PASD1: variants seen among roughly 807,000 people sequenced by gnomAD.
PASD1 encodes PAS domain containing repressor 1, also known as circadian clock protein PASD1.
A neutral mutation model predicts 58.8 loss-of-function variants in PASD1; 13 were observed. The observed-to-expected ratio is 0.22, with a 90% CI of 0.14 to 0.35. The LOEUF (loss-of-function observed/expected upper bound fraction) is 0.35. PASD1 is among the 10% of genes least tolerant of loss of function. The pLI, the probability that PASD1 is intolerant of heterozygous loss-of-function variation, is 1.00. For missense variants in PASD1, 734 were observed against 568.3 expected (o/e 1.29, Z -2.96); for synonymous variants, 236 against 216.7 (o/e 1.09, Z -0.78).
At chrX:151,668,486 G>A (rs1008134525) in intron 11 of PASD1, among the ~76,000 whole-genome samples, 3 of 110,754 alleles carry the variant, frequency 2.7e-5, no homozygotes, top group Non-Finnish European at 5.7e-5. Context: ...AGAAAAGAGA[G>A]AAGAATCAAA....
chrX:151,669,955 A>T (rs1354628631), intron 11 of PASD1, among the ~76,000 whole-genome samples: 2 of 111,829 alleles, frequency 1.8e-5, no homozygotes, highest in African/African-American at 6.5e-5. Context: ...TTTTCGTTCT[A>T]TAAGGAACCT....
chrX:151,596,941 G>T (rs1414081999), intron 1 of PASD1, among the ~76,000 whole-genome samples: 1 of 112,112 alleles, frequency 8.9e-6, no homozygotes, highest in Non-Finnish European at 1.9e-5. Context: ...CTACTGAGAT[G>T]ATCACATGCT....
intron 1 of PASD1, among the ~76,000 whole-genome samples, chrX:151,592,023 CATT>C (rs779185005): frequency 7.2e-5 from 8 of 111,567 alleles, no homozygotes; most frequent in Non-Finnish European, 1.3e-4. Context: ...ATGTGTTTAC[CATT>C]ATTGATTAGC....
chrX:151,656,796 A>G (rs1334846305), intron 9 of PASD1, among the ~76,000 whole-genome samples: 4 of 111,904 alleles, frequency 3.6e-5, no homozygotes, highest in East Asian at 2.8e-4. Flanking sequence ...CAATCATGTC[A>G]TCTGCAAACA....
At chrX:151,656,958 G>T (rs1440101799) in intron 9 of PASD1, among the ~76,000 whole-genome samples, 1 of 111,610 alleles carries the variant, frequency 9.0e-6, no homozygotes, top group East Asian at 2.8e-4. Context: ...GAAAGCCTCC[G>T]GTTTTTGCCC....
intron 11 of PASD1, among the ~76,000 whole-genome samples, chrX:151,665,641 C>G (rs1426987792): frequency 9.0e-6 from 1 of 111,668 alleles, no homozygotes; most frequent in East Asian, 2.8e-4. Flanking sequence ...TCCAGAGGAT[C>G]AAGGAAGCAG....
intron 6 of PASD1, among the ~76,000 whole-genome samples, chrX:151,622,617 A>ACACACACT (rs1303122421): frequency 1.9e-5 from 2 of 104,906 alleles, no homozygotes; most frequent in Non-Finnish European, 3.9e-5. Flanking sequence ...ACACACACAC[A>ACACACACT]CTCCCACACA....
intron 1 of PASD1, among the ~76,000 whole-genome samples, chrX:151,593,283 A>G (rs1190600623): frequency 1.8e-5 from 2 of 110,265 alleles, no homozygotes; most frequent in Non-Finnish European, 3.8e-5. Flanking sequence ...TCTAGGGTAC[A>G]TGTGCACAAT....
chrX:151,658,530 G>C (rs1703654674), intron 9 of PASD1, among the ~76,000 whole-genome samples: 1 of 112,434 alleles, frequency 8.9e-6, no homozygotes, highest in South Asian at 3.7e-4. Context: ...AGATGGCTAT[G>C]AAGAAGAACA....
intron 11 of PASD1, among the ~76,000 whole-genome samples, chrX:151,667,125 C>T (rs1434927260): frequency 8.9e-6 from 1 of 111,994 alleles, no homozygotes; most frequent in Non-Finnish European, 1.9e-5. Context: ...TTGCATTTCT[C>T]TGATGGCCAG....
chrX:151,637,578 G>C (rs1482429857), intron 8 of PASD1, among the ~76,000 whole-genome samples: 1 of 111,202 alleles, frequency 9.0e-6, no homozygotes, highest in Admixed American at 9.6e-5. Flanking sequence ...GTTTCACCAT[G>C]TTGGTCTCAA....
At chrX:151,572,321 A>G (rs190604614) in intron 1 of PASD1, among the ~76,000 whole-genome samples, 1 of 111,646 alleles carries the variant, frequency 9.0e-6, no homozygotes, top group Admixed American at 9.6e-5. Flanking sequence ...TGCCTTGCCC[A>G]TAGTATGTTT....
intron 8 of PASD1, among the ~76,000 whole-genome samples, chrX:151,644,526 G>A (rs904501948): frequency 9.0e-6 from 1 of 111,638 alleles, no homozygotes; most frequent in Non-Finnish European, 1.9e-5. Flanking sequence ...TCATCTTGCA[G>A]GAAGACGTTT....
intron 2 of PASD1, 106 bp from the exon 3 acceptor site, chrX:151,604,540 A>T: frequency 1.9e-6 from 1 of 526,060 alleles, no homozygotes; most frequent in Non-Finnish European, 3.1e-6. Flanking sequence ...GCATTTTCTC[A>T]TAAGAGTCTT....
chrX:151,625,016 G>A (rs758648721), intron 7 of PASD1, among the ~76,000 whole-genome samples: 1 of 111,841 alleles, frequency 8.9e-6, no homozygotes, highest in African/African-American at 3.2e-5. Flanking sequence ...ATCTGATTTG[G>A]CCCAATACCT....
intron 4 of PASD1, among the ~76,000 whole-genome samples, chrX:151,615,642 C>T (rs1251320392): frequency 9.0e-6 from 1 of 111,174 alleles, no homozygotes; most frequent in Admixed American, 9.6e-5. Flanking sequence ...GAGACTGAAC[C>T]ATTTCTAGAG....
chrX:151,598,265 A>G (rs2013347791), intron 1 of PASD1, among the ~76,000 whole-genome samples: 1 of 111,346 alleles, frequency 9.0e-6, no homozygotes, highest in Non-Finnish European at 1.9e-5. Context: ...TTGTCTTTTT[A>G]TTATTGATTT....
At chrX:151,611,558 G>A (rs984619904) in intron 3 of PASD1, 106 bp from the exon 4 acceptor site, 1 of 494,576 alleles carries the variant, frequency 2.0e-6, no homozygotes. Flanking sequence ...TTAAGGACTG[G>A]GGTGCATTTC....
chrX:151,608,471 T>G (rs1345184089), intron 3 of PASD1, among the ~76,000 whole-genome samples: 2 of 112,008 alleles, frequency 1.8e-5, no homozygotes, highest in Non-Finnish European at 3.8e-5. Flanking sequence ...ATTCTTGTTC[T>G]AGTTTGTAGC....
Sources: gnomAD v4.1 joint callset for allele counts (sites outside exome capture counted in the v4.1 genomes callset) on GRCh38, gnomAD v4.1.1 for gene constraint, MANE v1.5 for transcripts, NCBI Gene and HGNC (gene_info 2026-07-23, HGNC 2026-07-21) for gene names.